The following ARHGAP26 variants were observed in gnomAD, a reference collection of about 807,000 sequenced individuals.
ARHGAP26 encodes the protein rho GTPase-activating protein 26.
A neutral mutation model predicts 104.8 loss-of-function variants in ARHGAP26; 38 were observed. That is an observed-to-expected ratio of 0.36 (90% confidence interval 0.28 to 0.48). The LOEUF is 0.48. ARHGAP26 is among the 20% of genes least tolerant of loss of function. The pLI, the probability that ARHGAP26 is intolerant of heterozygous loss-of-function variation, is 0.99. For missense variants in ARHGAP26, 704 were observed against 947.9 expected (o/e 0.74, Z 3.38); for synonymous variants, 341 against 340.0 (o/e 1.00, Z -0.03).
intron 12 of ARHGAP26, chr5:143,014,396 C>A: frequency 2.0e-6 from 1 of 499,490 alleles, no homozygotes; most frequent in East Asian, 3.4e-5. Context: ...CTCCTTTAAT[C>A]GTAGGTCTTA....
intron 1 of ARHGAP26, among the ~76,000 whole-genome samples, chr5:142,872,882 C>G (rs998429265): frequency 6.6e-6 from 1 of 152,276 alleles, no homozygotes; most frequent in East Asian, 1.9e-4. Flanking sequence ...AGAGGAAGGC[C>G]AGGTGCTATG....
chr5:143,130,041 TA>T (rs1346255562), intron 18 of ARHGAP26, among the ~76,000 whole-genome samples: 1 of 152,188 alleles, frequency 6.6e-6, no homozygotes, highest in Non-Finnish European at 1.5e-5. Flanking sequence ...GATGTGATGA[TA>T]TGGCAGTGAT....
chr5:143,042,560 C>G (rs1783628395), intron 14 of ARHGAP26, among the ~76,000 whole-genome samples: 1 of 152,182 alleles, frequency 6.6e-6, no homozygotes, highest in Non-Finnish European at 1.5e-5. Context: ...GATATGAGTG[C>G]AGCCAGCCTC....
intron 1 of ARHGAP26, among the ~76,000 whole-genome samples, chr5:142,821,818 G>C (rs1177242764): frequency 6.6e-6 from 1 of 152,196 alleles, no homozygotes; most frequent in Non-Finnish European, 1.5e-5. Context: ...AAAGTAGGGT[G>C]CCTCTGGTAA....
intron 1 of ARHGAP26, among the ~76,000 whole-genome samples, chr5:142,826,745 G>C (rs868312370): frequency 6.6e-6 from 1 of 152,170 alleles, no homozygotes; most frequent in South Asian, 2.1e-4. Context: ...TTAAAGCCCA[G>C]GTCAGTCTGC....
intron 11 of ARHGAP26, among the ~76,000 whole-genome samples, chr5:142,963,223 C>T (rs2545747): frequency 0.087 from 5,795 of 66,608 alleles, 303 homozygotes; most frequent in South Asian, 0.23. Context: ...TGTGTGTGCG[C>T]GTGTGTGTGT....
chr5:142,805,434 A>G (rs141549779), intron 1 of ARHGAP26, among the ~76,000 whole-genome samples: 92 of 152,180 alleles, frequency 6.0e-4, no homozygotes, highest in African/African-American at 2.1e-3. Context: ...CAGTTCATAG[A>G]CATTTGGATC....
intron 11 of ARHGAP26, among the ~76,000 whole-genome samples, chr5:142,940,085 A>G (rs1235186267): frequency 6.6e-6 from 1 of 152,262 alleles, no homozygotes; most frequent in Non-Finnish European, 1.5e-5. Context: ...CTGGAGGAGC[A>G]GGAAGTAATC....
In ARHGAP26 at chr5:142,770,719, GCCCCGGCGGAGGCGCGCC is replaced by G; in HGVS notation, c.-35_-18del. ...GTGCTCTGGGCGGCGGGCGGCCCGG[GCCCCGGCGGAGGCGCGCC>G]CCCCGGCTGGGCGCCGCGCGCACCA... On this transcript the variant is annotated 5_prime_UTR_variant, in exon 1 of 23. Transcript: ENST00000645722. 1 of 1,162,948 alleles carries G rather than the reference GCCCCGGCGGAGGCGCGCC, an allele frequency of 8.6e-7. No homozygotes were observed. The highest frequency in any genetic ancestry group is 3.7e-5 in the South Asian group (1 of 27,000). The allele number at this position is 1,162,948 out of a possible 1,614,324, so 72.0% of individuals were successfully genotyped here.
chr5:142,892,806 C>G (rs1195198854), intron 5 of ARHGAP26, among the ~76,000 whole-genome samples: 8 of 152,056 alleles, frequency 5.3e-5, no homozygotes, highest in Admixed American at 5.2e-4. Context: ...GAACATTTAT[C>G]ATTTCTTTGT....
intron 17 of ARHGAP26, among the ~76,000 whole-genome samples, chr5:143,115,852 C>T (rs1455515905): frequency 6.6e-6 from 1 of 152,220 alleles, no homozygotes; most frequent in African/African-American, 2.4e-5. Context: ...ATTCCAACTA[C>T]TGTGCTATGA....
chr5:142,783,529 G>A (rs1757937843), intron 1 of ARHGAP26, among the ~76,000 whole-genome samples: 1 of 150,394 alleles, frequency 6.6e-6, no homozygotes, highest in Non-Finnish European at 1.5e-5. Context: ...TGGTTGAGCT[G>A]TTGCACAGCA....
At chr5:142,808,967 C>T (rs755191588) in intron 1 of ARHGAP26, among the ~76,000 whole-genome samples, 2 of 152,220 alleles carry the variant, frequency 1.3e-5, no homozygotes, top group Non-Finnish European at 2.9e-5. Context: ...ACTCTGGCAC[C>T]TTGCCCATCA....
At chr5:143,001,044 A>C (rs1370493469) in intron 11 of ARHGAP26, among the ~76,000 whole-genome samples, 2 of 152,324 alleles carry the variant, frequency 1.3e-5, no homozygotes, top group Non-Finnish European at 2.9e-5. Flanking sequence ...TAAAAAAAAA[A>C]ATTTATGCTG....
intron 6 of ARHGAP26, 27 bp from the exon 7 acceptor site, chr5:142,901,908 A>ACC (rs764509357): frequency 2.4e-5 from 39 of 1,595,714 alleles, no homozygotes; most frequent in Non-Finnish European, 3.4e-5. Flanking sequence ...TGGTTATGTG[A>ACC]CCTTTGCCTT....
In ARHGAP26 at chr5:143,142,468, T is replaced by C. The variant is rs190411611; in HGVS notation, c.1838-4763T>C. Among the ~76,000 whole-genome samples, 8 of 151,544 alleles carry C rather than the reference T, an allele frequency of 5.3e-5. 1 individual carries two copies. The highest frequency in any genetic ancestry group is 2.0e-4 in the African/African-American group (8 of 40,892). On this transcript the variant is annotated intron_variant, in intron 19 of 22. Coordinates refer to ENST00000645722, the MANE Select transcript of ARHGAP26 (RefSeq NM_001135608.3). ...TTTTCAACTCAATGTATAGAGTCTA[T>C]CATCACCCAAACTCCTTTTTAAGAT...
intron 20 of ARHGAP26, among the ~76,000 whole-genome samples, chr5:143,190,792 C>T (rs1207410568): frequency 6.6e-6 from 1 of 152,178 alleles, no homozygotes; most frequent in Non-Finnish European, 1.5e-5. Context: ...TATCCAGAAT[C>T]TATGCAGAAA....
chr5:143,096,298 G>A (rs1356143266), intron 17 of ARHGAP26, among the ~76,000 whole-genome samples: 1 of 152,232 alleles, frequency 6.6e-6, no homozygotes, highest in African/African-American at 2.4e-5. Context: ...ATATTGGGAA[G>A]TTGTCATGCT....
At chr5:142,886,559 T>C (rs1757733187) in intron 5 of ARHGAP26, among the ~76,000 whole-genome samples, 1 of 152,314 alleles carries the variant, frequency 6.6e-6, no homozygotes, top group South Asian at 2.1e-4. Context: ...ATAAACAGCA[T>C]TGACTATTTG....
Sources: allele counts gnomAD v4.1 joint callset (sites outside exome capture counted in the v4.1 genomes callset), GRCh38; gene constraint gnomAD v4.1.1; transcripts MANE v1.5; gene names NCBI Gene and HGNC (gene_info 2026-07-23, HGNC 2026-07-21).